Variants in ADGRG7 observed in about 807,000 individuals in gnomAD.
The protein encoded by ADGRG7 is G-protein coupled receptor 128.
A neutral mutation model predicts 88.6 loss-of-function variants in ADGRG7; 82 were observed. That is an observed-to-expected ratio of 0.93 (90% confidence interval 0.77 to 1.11). The LOEUF is 1.11. ADGRG7 is among the 50% of genes most tolerant of loss of function. The pLI is 0.00. For synonymous variants in ADGRG7, 381 were observed against 345.2 expected, an observed-to-expected ratio of 1.10 and a Z score of -1.15; for missense variants, 945 against 953.4, an observed-to-expected ratio of 0.99 and a Z score of 0.12.
chr3:100,673,260 T>C (rs1026091157), intron 15 of ADGRG7, among the ~76,000 whole-genome samples: 2 of 152,160 alleles, frequency 1.3e-5, no homozygotes, highest in African/African-American at 4.8e-5. Flanking sequence ...TATTGGTCTA[T>C]TCAGGGATTC....
In ADGRG7 at chr3:100,668,979, T is replaced by C. The variant is rs2094954897; in HGVS notation, c.2010T>C (p.Ile670=). Residue 670 remains isoleucine, a synonymous_variant, in exon 15 of 16, where the codon ATT becomes ATC. Transcript: ENST00000273352. ...AAAAAGTTTCATCCATGAAGAAGAT[T>C]GTTAGCACATTATCTGTTGCAGTTG... ...STKKVSSMKK[I]VSTLSVAVVF... 1 of 1,601,964 alleles carries C rather than the reference T, an allele frequency of 6.2e-7. No individual in the cohort carries two copies. Among genetic ancestry groups the C allele is most frequent in the Admixed American group, 1.7e-5 (1 of 57,822 alleles).
chr3:100,660,710 T>G (rs2094944008), intron 14 of ADGRG7, among the ~76,000 whole-genome samples: 1 of 150,320 alleles, frequency 6.7e-6, no homozygotes, highest in African/African-American at 2.4e-5. Flanking sequence ...CCCAGAACTT[T>G]GGGAGGCGGG....
In ADGRG7 at chr3:100,669,277, G is replaced by C. The variant is rs566797283; in HGVS notation, c.2136+172G>C. Among the ~76,000 whole-genome samples, 18 of 151,984 alleles carry C rather than the reference G, an allele frequency of 1.2e-4. No homozygotes were observed. In the South Asian group the frequency reaches 2.9e-3, roughly 25 times the overall value. ...TGAGGTGGGCGGATCACGAGGTCAG[G>C]AGATTGAGACCATCCTGGATAACAT... On this transcript the variant is annotated intron_variant, in intron 15 of 15. Coordinates refer to ENST00000273352, the MANE Select transcript of ADGRG7 (RefSeq NM_032787.3).
Position 100,643,250 on chromosome 3 carries a change from G to A in ADGRG7, c.699-16G>A. On this transcript the variant is annotated splice_polypyrimidine_tract_variant and intron_variant, in intron 6 of 15. Transcript: ENST00000273352. ...GACAAAATCTTGAGTATTAAATTGT[G>A]TTTTATTATATGCAGGCTTATTGAG... 4 of 1,608,862 alleles carry A rather than the reference G, an allele frequency of 2.5e-6. No individual in the cohort carries two copies. The highest frequency in any genetic ancestry group is 2.5e-6 in the Non-Finnish European group (3 of 1,177,334).
intron 15 of ADGRG7, among the ~76,000 whole-genome samples, chr3:100,692,711 A>G (rs1205251103): frequency 6.6e-6 from 1 of 152,168 alleles, no homozygotes; most frequent in Non-Finnish European, 1.5e-5. Flanking sequence ...TGCAAAATAT[A>G]AAATGGAGTA....
intron 10 of ADGRG7, among the ~76,000 whole-genome samples, chr3:100,647,027 C>G (rs559168311): frequency 9.9e-5 from 15 of 152,124 alleles, no homozygotes; most frequent in Admixed American, 9.2e-4. Context: ...TGTAGTGGTG[C>G]ACGCCTGTAA....
chr3:100,628,795 C>T (rs935094478), intron 1 of ADGRG7, among the ~76,000 whole-genome samples: 1 of 152,182 alleles, frequency 6.6e-6, no homozygotes, highest in Non-Finnish European at 1.5e-5. Context: ...CCTAGTGACA[C>T]CTAACTTTCT....
At chr3:100,671,673 A>AT (rs1396247661) in intron 15 of ADGRG7, among the ~76,000 whole-genome samples, 1 of 151,960 alleles carries the variant, frequency 6.6e-6, no homozygotes, top group Non-Finnish European at 1.5e-5. Flanking sequence ...TTCTTCTAGG[A>AT]TTTTTATGGT....
intron 1 of ADGRG7, among the ~76,000 whole-genome samples, chr3:100,611,416 G>A (rs1350586804): frequency 1.3e-5 from 2 of 151,676 alleles, no homozygotes; most frequent in Non-Finnish European, 1.5e-5. Flanking sequence ...AAAGGACACA[G>A]TTATAGCAAA....
At chr3:100,644,310 G>A (rs1441475118) in intron 8 of ADGRG7, among the ~76,000 whole-genome samples, 1 of 152,104 alleles carries the variant, frequency 6.6e-6, no homozygotes, top group Non-Finnish European at 1.5e-5. Context: ...TAAAAAAGAA[G>A]AGAGTATTAT....
chr3:100,672,161 C>T (rs2094959607), intron 15 of ADGRG7, among the ~76,000 whole-genome samples: 1 of 152,188 alleles, frequency 6.6e-6, no homozygotes, highest in Non-Finnish European at 1.5e-5. Flanking sequence ...TGGCCATTTT[C>T]ATGATATTAA....
At chr3:100,670,009 G>C (rs1425742221) in intron 15 of ADGRG7, among the ~76,000 whole-genome samples, 18 of 152,108 alleles carry the variant, frequency 1.2e-4, no homozygotes. Context: ...CTGCACTTCA[G>C]CCTGGGCGAC....
Position 100,654,938 on chromosome 3 carries a change from A to G in ADGRG7, c.1483A>G (p.Asn495Asp). Reference protein sequence around the residue: ...FVFGIENSNKNLQTSDGDINN... With the variant: ...FVFGIENSNKDLQTSDGDINN... ...GTTTGGAATTGAAAACTCCAATAAG[A>G]ACTTGCAGACAAGTGATGGTGACAT... Residue 495 changes from asparagine to aspartate, a missense_variant, in exon 12 of 16, where the codon AAC (asparagine) becomes GAC (aspartate). Physicochemically the swap from Asn to Asp is conservative, Grantham distance 23. Transcript: ENST00000273352. The G allele has an allele frequency of 6.2e-7, 1 of 1,614,070 alleles. No homozygotes were observed. Among genetic ancestry groups the G allele is most frequent in the South Asian group, 1.1e-5 (1 of 91,072 alleles).
intron 15 of ADGRG7, among the ~76,000 whole-genome samples, chr3:100,684,466 C>G (rs2094978915): frequency 6.6e-6 from 1 of 151,930 alleles, no homozygotes; most frequent in East Asian, 1.9e-4. Flanking sequence ...TAGGGTCACA[C>G]TATGTTGTCC....
intron 13 of ADGRG7, among the ~76,000 whole-genome samples, chr3:100,658,985 A>G (rs1205821743): frequency 6.6e-6 from 1 of 151,750 alleles, no homozygotes; most frequent in Non-Finnish European, 1.5e-5. Context: ...GGTGGTTACT[A>G]TTATTCTCAC....
chr3:100,656,711 G>T (rs1144115), intron 13 of ADGRG7, among the ~76,000 whole-genome samples: 134,229 of 152,002 alleles, frequency 0.88, 61,117 homozygotes, highest in Non-Finnish European at 1. Context: ...AAATTCCACC[G>T]GAAGTCCCAA....
intron 10 of ADGRG7, 55 bp from the exon 11 acceptor site, chr3:100,649,630 TGTTGACTTTC>T: frequency 1.2e-6 from 1 of 823,624 alleles, no homozygotes; most frequent in Non-Finnish European, 2.0e-6. Flanking sequence ...AACTCTGTGA[TGTTGACTTTC>T]ATTAACACTT....
At chr3:100,639,112 TAC>T (rs769501322) in intron 6 of ADGRG7, among the ~76,000 whole-genome samples, 1 of 151,896 alleles carries the variant, frequency 6.6e-6, no homozygotes, top group Non-Finnish European at 1.5e-5. Context: ...TGTCACTTAA[TAC>T]CTTACAAACT....
rs1275260180 is a variant in ADGRG7, at chr3:100,655,042, T to G, written c.1587T>G (p.Ile529Met). The change falls in exon 12 of 16, where the codon ATT becomes ATG. Residue 529 changes from isoleucine (I) to methionine (M), a missense_variant. Physicochemically the swap from Ile to Met is conservative, Grantham distance 10 (BLOSUM62 1). Transcript: ENST00000273352. ...TCCCGAATCCCATGTGCACTGCGAT[T>G]GCCGCCTTACTGCACTATTTTCTGT... is the stretch of plus-strand genomic sequence containing the variant. ...INIPNPMCTA[I>M]AALLHYFLLV... 13 of 1,614,078 alleles carry G rather than the reference T, an allele frequency of 8.1e-6. No homozygotes were observed. The highest frequency in any genetic ancestry group is 9.3e-6 in the Non-Finnish European group (11 of 1,180,024).
Sources: gnomAD v4.1 joint callset for allele counts (sites outside exome capture counted in the v4.1 genomes callset) on GRCh38, gnomAD v4.1.1 for gene constraint, MANE v1.5 for transcripts, NCBI Gene and HGNC (gene_info 2026-07-23, HGNC 2026-07-21) for gene names.